The following ELN variants were observed in gnomAD, a reference collection of about 807,000 sequenced individuals.
The protein encoded by ELN is elastin.
Under a neutral mutation model 105.8 loss-of-function variants are expected in ELN, and 65 were observed. The ratio of observed to expected loss-of-function variants is 0.61; its 90% CI spans 0.50 to 0.75. The LOEUF (loss-of-function observed/expected upper bound fraction) is 0.75, where lower values mean the gene tolerates loss of function less well. ELN is among the 30% of genes least tolerant of loss of function. The pLI is 0.00. For missense variants in ELN, 882 were observed against 969.4 expected (o/e 0.91, Z 1.20); for synonymous variants, 368 against 389.2 (o/e 0.95, Z 0.64).
chr7:74,055,930 G>A (rs1441708491), intron 19 of ELN, among the ~76,000 whole-genome samples: 1 of 151,634 alleles, frequency 6.6e-6, no homozygotes, highest in Non-Finnish European at 1.5e-5. Context: ...GGGATTACAG[G>A]TGCCCGCCAC....
intron 19 of ELN, 121 bp downstream of exon 19, chr7:74,054,890 C>A: frequency 1.9e-6 from 2 of 1,050,512 alleles, no homozygotes; most frequent in South Asian, 1.3e-5. Flanking sequence ...CCGAGCAAGT[C>A]ACCAGCAGGC....
At chr7:74,048,652 A>G (rs868975571) in intron 15 of ELN, 96 bp downstream of exon 15, 11 of 1,472,228 alleles carry the variant, frequency 7.5e-6, no homozygotes, top group Middle Eastern at 2.1e-4. Flanking sequence ...TGGCCCCTAC[A>G]TACCCCCATT....
At chr7:74,061,385 C>T (rs1032982158) in intron 26 of ELN, among the ~76,000 whole-genome samples, 2 of 152,112 alleles carry the variant, frequency 1.3e-5, no homozygotes, top group East Asian at 1.9e-4. Flanking sequence ...GGCGTGGTGG[C>T]GGGCACCTGT....
chr7:74,041,550 A>G (rs1396887889), intron 5 of ELN, among the ~76,000 whole-genome samples: 1 of 152,196 alleles, frequency 6.6e-6, no homozygotes, highest in Admixed American at 6.5e-5. Context: ...AAGGCATTCT[A>G]GAGGAGGTGG....
chr7:74,035,793 G>T, intron 2 of ELN: 1 of 341,514 alleles, frequency 2.9e-6, no homozygotes, highest in Non-Finnish European at 5.7e-6. Context: ...AAAAAAATTA[G>T]CTGGGCATAG....
intron 4 of ELN, among the ~76,000 whole-genome samples, chr7:74,040,994 T>C (rs1196466082): frequency 1.3e-5 from 2 of 152,190 alleles, no homozygotes; most frequent in Non-Finnish European, 2.9e-5. Flanking sequence ...GGCCCAGGCT[T>C]GTTAGGGATC....
rs781886543 is a variant in ELN, at chr7:74,056,701, G to A, written c.1345G>A (p.Ala449Thr). 7 of 1,613,804 alleles carry A rather than the reference G, an allele frequency of 4.3e-6. No individual in the cohort carries two copies. The highest frequency in any genetic ancestry group is 5.9e-6 in the Non-Finnish European group (7 of 1,180,018). The change falls in exon 21 of 33, where the codon GCT becomes ACT. Residue 449 changes from alanine (A) to threonine (T), a missense_variant. Physicochemically the swap from Ala to Thr is moderately conservative, Grantham distance 58. Transcript: ENST00000252034. ...AGCTCAGGCAGCAGCTGCCGCCAAG[G>A]CTGCCAAGTACGGTAAGTGCCCCTG... ...PEAQAAAAAK[A>T]AKYGVGTPAA...
intron 4 of ELN, 56 bp from the exon 5 acceptor site, chr7:74,041,160 C>T: frequency 6.2e-7 from 1 of 1,612,560 alleles, no homozygotes; most frequent in South Asian, 1.1e-5. Flanking sequence ...GGAGACATTT[C>T]CCACTCTGGG....
intron 21 of ELN, 31 bp from the exon 22 acceptor site, chr7:74,057,609 A>G (rs1554681099): frequency 1.2e-6 from 2 of 1,610,192 alleles, no homozygotes; most frequent in South Asian, 2.2e-5. Flanking sequence ...GTGAGAGATT[A>G]CTCTCTCACC....
intron 3 of ELN, 100 bp downstream of exon 3, chr7:74,036,684 C>A: frequency 6.6e-7 from 1 of 1,518,976 alleles, no homozygotes; most frequent in Non-Finnish European, 9.1e-7. Context: ...ACCCGAGCAT[C>A]AAGGACTCCC....
intron 22 of ELN, among the ~76,000 whole-genome samples, chr7:74,058,285 GCTTCTTTCTC>G (rs1356963911): frequency 1.5e-4 from 22 of 149,622 alleles, no homozygotes; most frequent in African/African-American, 5.4e-4. Flanking sequence ...TTCTTCCTCT[GCTTCTTTCTC>G]CTCCTTCTTC....
intron 15 of ELN, 38 bp downstream of exon 15, chr7:74,048,594 G>T (rs1793124746): frequency 6.2e-7 from 1 of 1,612,186 alleles, no homozygotes; most frequent in Non-Finnish European, 8.5e-7. Context: ...TGGCCTCCAG[G>T]CCCCTAGCCT....
In ELN at chr7:74,041,253, T is replaced by G; in HGVS notation, c.232+2T>G. ...TTGCGGGTGCTGGCCTTGGGGCAGG[T>G]GAGTGCTGACACCCAAGAAAGATAT... On this transcript the variant is annotated splice_donor_variant, in intron 5 of 32. Transcript: ENST00000252034. LOFTEE classifies it high-confidence loss of function. The G allele has an allele frequency of 6.2e-7, 1 of 1,613,940 alleles. No homozygotes were observed. The highest frequency in any genetic ancestry group is 8.5e-7 in the Non-Finnish European group (1 of 1,179,860).
chr7:74,057,473 G>T (rs1554680980), intron 21 of ELN, 167 bp from the exon 22 acceptor site: 1 of 1,562,196 alleles, frequency 6.4e-7, no homozygotes, highest in Non-Finnish European at 8.7e-7. Context: ...TGCCAGGTGA[G>T]CTGTGTCTCC....
intron 1 of ELN, among the ~76,000 whole-genome samples, chr7:74,030,715 T>C (rs1188575957): frequency 1.3e-5 from 2 of 152,106 alleles, no homozygotes; most frequent in Admixed American, 1.3e-4. Context: ...TTTTTAATTA[T>C]TGTTTTCCGT....
chr7:74,060,962 T>C, intron 25 of ELN, 139 bp from the exon 26 acceptor site: 2 of 1,041,596 alleles, frequency 1.9e-6, no homozygotes, highest in Non-Finnish European at 3.0e-6. Context: ...GCCCTAAAGC[T>C]CTGTGCCTGT....
intron 5 of ELN, among the ~76,000 whole-genome samples, chr7:74,041,539 GA>G (rs2131392556): frequency 6.6e-6 from 1 of 152,326 alleles, no homozygotes; most frequent in African/African-American, 2.4e-5. Flanking sequence ...AGGGGTTCAG[GA>G]AGGCATTCTA....
At chr7:74,047,336 C>T (rs143911911) in intron 12 of ELN, among the ~76,000 whole-genome samples, 3 of 152,332 alleles carry the variant, frequency 2.0e-5, no homozygotes, top group Admixed American at 6.5e-5. Flanking sequence ...TGGAAAGATC[C>T]CTCTAACATC....
intron 8 of ELN, chr7:74,043,630 G>A: frequency 4.7e-6 from 3 of 640,564 alleles, no homozygotes; most frequent in Middle Eastern, 2.5e-4. Context: ...TTAGCCAGAG[G>A]TGGGCTGGCC....
Sources: gnomAD v4.1 joint callset for allele counts (sites outside exome capture counted in the v4.1 genomes callset) on GRCh38, gnomAD v4.1.1 for gene constraint, MANE v1.5 for transcripts, NCBI Gene and HGNC (gene_info 2026-07-23, HGNC 2026-07-21) for gene names.